Variants in TNS4 observed in about 807,000 individuals in gnomAD.
The protein encoded by TNS4 is tensin-4.
TNS4 carries 46 observed loss-of-function variants against 70.4 expected under a neutral mutation model. The ratio of observed to expected loss-of-function variants is 0.65; its 90% CI spans 0.52 to 0.84. TNS4 has a LOEUF of 0.84. TNS4 is among the 40% of genes least tolerant of loss of function. The pLI, the probability that TNS4 is intolerant of heterozygous loss-of-function variation, is 0.00. For missense variants in TNS4, 863 were observed against 907.0 expected (o/e 0.95, Z 0.62); for synonymous variants, 390 against 366.6 (o/e 1.06, Z -0.73).
chr17:40,479,577 G>A, intron 10 of TNS4, 97 bp downstream of exon 10: 2 of 1,479,962 alleles, frequency 1.4e-6, no homozygotes, highest in Non-Finnish European at 1.8e-6. Flanking sequence ...CCAGAACCCT[G>A]AACTTGACCT....
At chr17:40,480,430 A>G (rs1394133825) in intron 9 of TNS4, among the ~76,000 whole-genome samples, 2 of 152,074 alleles carry the variant, frequency 1.3e-5, no homozygotes, top group African/African-American at 2.4e-5. Flanking sequence ...ACGTGTGCAC[A>G]TGCCCATGTG....
intron 2 of TNS4, among the ~76,000 whole-genome samples, chr17:40,491,169 A>G (rs1333743590): frequency 2.0e-5 from 3 of 152,216 alleles, no homozygotes; most frequent in East Asian, 1.9e-4. Context: ...TCTGAACCTT[A>G]TAATAGCCCT....
chr17:40,482,270 G>A (rs866859616), intron 7 of TNS4, 54 bp downstream of exon 7: 34 of 1,613,832 alleles, frequency 2.1e-5, no homozygotes, highest in East Asian at 6.7e-5. Context: ...AGCTCACAAC[G>A]GAGACTTCGC....
At chr17:40,500,727 G>T (rs990440995) in intron 1 of TNS4, among the ~76,000 whole-genome samples, 2 of 152,164 alleles carry the variant, frequency 1.3e-5, no homozygotes, top group African/African-American at 4.8e-5. Context: ...CTCCCCCAAA[G>T]CACTTTGCCT....
At chr17:40,478,487 C>T in intron 11 of TNS4, 93 bp downstream of exon 11, 9 of 1,564,398 alleles carry the variant, frequency 5.8e-6, no homozygotes, top group Non-Finnish European at 7.0e-6. Context: ...TCACAGGCTC[C>T]CTCTGGGATC....
At position 40,488,645 on chromosome 17, in the gene TNS4, C is replaced by G. The variant is rs2036024042; in HGVS notation, c.764G>C (p.Arg255Thr). The G allele has an allele frequency of 6.5e-7, 1 of 1,550,084 alleles. No homozygotes were observed. Among genetic ancestry groups the G allele is most frequent in the African/African-American group, 1.4e-5 (1 of 72,414 alleles). ...CAGGCCTCCCAGCCGCTTCTCCAGT[C>G]TTGGAGAAGCCACCAGCGGGGAGCC... Reference protein sequence around the residue: ...GLGSPLVASPRLEKRLGGLAP... With the variant: ...GLGSPLVASPTLEKRLGGLAP... The change falls in exon 3 of 13, where the codon AGA (arginine) becomes ACA (threonine). Residue 255 changes from arginine to threonine, a missense_variant. Arg to Thr is a moderately conservative substitution (Grantham distance 71, BLOSUM62 -1). Coordinates refer to ENST00000254051, the MANE Select transcript of TNS4 (RefSeq NM_032865.6).
intron 4 of TNS4, 91 bp downstream of exon 4, chr17:40,486,945 T>A: frequency 6.7e-7 from 1 of 1,497,544 alleles, no homozygotes; most frequent in Non-Finnish European, 9.2e-7. Flanking sequence ...AGTTGCTCAA[T>A]AAATGTGTTG....
In TNS4 at chr17:40,496,184, G is replaced by A. The variant is rs753848525; in HGVS notation, c.242C>T (p.Pro81Leu). The A allele has an allele frequency of 1.7e-5, 28 of 1,607,322 alleles. No homozygotes were observed. Among genetic ancestry groups the A allele is most frequent in the Admixed American group, 1.7e-4 (10 of 58,846 alleles). The change falls in exon 2 of 13, where the codon CCG (proline) becomes CTG (leucine). Residue 81 changes from proline to leucine, a missense_variant. Pro to Leu is a moderately conservative substitution (Grantham distance 98). Coordinates refer to ENST00000254051, the MANE Select transcript of TNS4 (RefSeq NM_032865.6). ...QVEAKATCFL[P>L]SPGEKALGTP... ...CCCCAAGGCCTTCTCACCAGGGGAC[G>A]GCAGGAAGCAGGTGGCTTTGGCCTC...
chr17:40,483,986 G>C (rs1212601782), intron 6 of TNS4, among the ~76,000 whole-genome samples: 1 of 152,214 alleles, frequency 6.6e-6, no homozygotes, highest in Non-Finnish European at 1.5e-5. Flanking sequence ...GCCTCACACA[G>C]TGCCTGGTGT....
intron 9 of TNS4, among the ~76,000 whole-genome samples, chr17:40,480,206 G>C (rs926128901): frequency 3.3e-5 from 5 of 152,212 alleles, no homozygotes; most frequent in African/African-American, 1.2e-4. Flanking sequence ...GGTAGGGACA[G>C]AAGACAAGAA....
rs1165647272 is a variant in TNS4 at position 40,477,425 on chromosome 17, T to C, written c.*163A>G. The stretch of plus-strand genomic sequence containing the variant: ...GGGGGGTCTGGATGATGGTGACTGC[T>C]GAAGGCCATAGCAGGTTCAAGGGTG... On this transcript the variant is annotated 3_prime_UTR_variant, in exon 13 of 13. Coordinates refer to ENST00000254051, the MANE Select transcript of TNS4 (RefSeq NM_032865.6). 1.2e-6 allele frequency: 1 copy of C among 869,132 alleles called. No individual in the cohort carries two copies. The highest frequency in any genetic ancestry group is 1.7e-6 in the Non-Finnish European group (1 of 586,168). 53.8% of individuals were successfully genotyped at this position (869,132 alleles called of 1,614,324 possible). A position where few individuals can be genotyped will look rare whatever the true frequency, so the allele number is the denominator to read the frequency against.
intron 6 of TNS4, among the ~76,000 whole-genome samples, chr17:40,483,363 C>T (rs756480775): frequency 2.2e-4 from 33 of 152,048 alleles, no homozygotes; most frequent in Non-Finnish European, 3.8e-4. Flanking sequence ...GTGTGCTCCA[C>T]CACACCTGGG....
intron 2 of TNS4, among the ~76,000 whole-genome samples, chr17:40,490,495 C>T (rs1704748097): frequency 2.0e-5 from 3 of 152,202 alleles, no homozygotes; most frequent in African/African-American, 7.2e-5. Flanking sequence ...GAACGTGCAC[C>T]CTCAGCTCCC....
At chr17:40,498,432 A>G (rs1009025509) in intron 1 of TNS4, among the ~76,000 whole-genome samples, 1 of 152,224 alleles carries the variant, frequency 6.6e-6, no homozygotes, top group East Asian at 1.9e-4. Context: ...ATGGAGTATA[A>G]CAGCCTCATA....
chr17:40,479,736 C>T lies in TNS4; in HGVS notation c.1848G>A (p.Thr616=), dbSNP rs779189274. The T allele has an allele frequency of 6.2e-6, 10 of 1,613,974 alleles. No homozygotes were observed. Among genetic ancestry groups the T allele is most frequent in the East Asian group, 2.2e-5 (1 of 44,894 alleles). The change falls in exon 10 of 13, where the codon ACG becomes ACA. Residue 616 remains threonine (T), a synonymous_variant. Coordinates refer to ENST00000254051, the MANE Select transcript of TNS4 (RefSeq NM_032865.6). ...STTFERDILP[T]PTVVHFKVTE... Reference sequence around the variant, plus strand: ...TGACTTTGAAGTGGACCACGGTGGGCGTGGGGAGGATGTCCCTCTCAAAGG... The same window carrying T: ...TGACTTTGAAGTGGACCACGGTGGGTGTGGGGAGGATGTCCCTCTCAAAGG...
chr17:40,486,455 C>T lies in TNS4; in HGVS notation c.1288+581G>A, dbSNP rs113883188. Among the ~76,000 whole-genome samples the T allele has an allele frequency of 3.2e-3, 487 of 152,108 alleles. 3 individuals are homozygous for T. Among genetic ancestry groups the T allele is most frequent in the Non-Finnish European group, 2.6e-3 (179 of 67,998 alleles). ...TGAGCTGCCAGGGTGATCCATTGAG[C>T]GAGCACCTCTGACCCCATCACTCTC... On this transcript the variant is annotated intron_variant, in intron 4 of 12. Coordinates refer to ENST00000254051, the MANE Select transcript of TNS4 (RefSeq NM_032865.6).
chr17:40,480,802 G>A (rs748781990), intron 8 of TNS4, 34 bp from the exon 9 acceptor site: 123 of 1,596,362 alleles, frequency 7.7e-5, no homozygotes, highest in Middle Eastern at 1.7e-4. Context: ...CCCCCCAAAG[G>A]GGCGGGGGTG....
intron 2 of TNS4, among the ~76,000 whole-genome samples, chr17:40,492,853 T>C (rs372164697): frequency 1.3e-5 from 2 of 152,044 alleles, no homozygotes; most frequent in South Asian, 4.2e-4. Context: ...AAGACCAGCC[T>C]GGCCAACATG....
rs1281663458 is a variant in TNS4 at position 40,477,356 on chromosome 17, T to A, written c.*232A>T. 21 of 510,102 alleles carry A rather than the reference T, an allele frequency of 4.1e-5. No homozygotes were observed. The highest frequency in any genetic ancestry group is 5.2e-5 in the Non-Finnish European group (15 of 287,880). The allele number at this position is 510,102 out of a possible 1,614,324, so 31.6% of individuals were successfully genotyped here. A position where few individuals can be genotyped will look rare whatever the true frequency, so the allele number is the denominator to read the frequency against. On this transcript the variant is annotated 3_prime_UTR_variant, in exon 13 of 13. Transcript: ENST00000254051. ...CCCACCAGCATCTAAGAACAGCTGA[T>A]CTTGTCTATTGGTCTTCTTCTATGA...
Sources: allele counts gnomAD v4.1 joint callset (sites outside exome capture counted in the v4.1 genomes callset), GRCh38; gene constraint gnomAD v4.1.1; transcripts MANE v1.5; gene names NCBI Gene and HGNC (gene_info 2026-07-23, HGNC 2026-07-21).